MKRN2: variants seen among roughly 807,000 people sequenced by gnomAD.
MKRN2 encodes makorin ring finger protein 2.
Under a neutral mutation model 45.4 loss-of-function variants are expected in MKRN2, and 32 were observed. The ratio of observed to expected loss-of-function variants is 0.70; its 90% confidence interval spans 0.53 to 0.95. The LOEUF (loss-of-function observed/expected upper bound fraction) is 0.95. Ranked by LOEUF, MKRN2 falls within the 40% of genes least tolerant of loss-of-function variation. The pLI is 0.00. For missense variants in MKRN2, 526 were observed against 536.7 expected, an observed-to-expected ratio of 0.98 and a Z score of 0.20; for synonymous variants, 206 against 192.4, an observed-to-expected ratio of 1.07 and a Z score of -0.59.
At chr3:12,569,951 A>G in intron 2 of MKRN2, 120 bp from the exon 3 acceptor site, 1 of 939,202 alleles carries the variant, frequency 1.1e-6, no homozygotes, top group Non-Finnish European at 1.6e-6. Context: ...ATATTGGAAA[A>G]GATGGCCGCC....
In MKRN2 at chr3:12,557,134, C is replaced by T. The variant is rs776071765; in HGVS notation, c.-17C>T. 1.7e-4 allele frequency: 249 copies of T among 1,508,708 alleles called. No individual in the cohort carries two copies. The highest frequency in any genetic ancestry group is 2.0e-4 in the Non-Finnish European group (230 of 1,131,270). The allele number at this position is 1,508,708 out of a possible 1,614,324, so 93.5% of individuals were successfully genotyped here. ...CGAGAGGCGGCGGCACGACGACGGT[C>T]CCTCAGCCCAGCCACCATGAGCACC... On this transcript the variant is annotated 5_prime_UTR_variant, in exon 1 of 8. Coordinates refer to ENST00000170447, the MANE Select transcript of MKRN2 (RefSeq NM_014160.5).
chr3:12,559,577 A>G (rs2058018868), intron 1 of MKRN2, among the ~76,000 whole-genome samples: 1 of 152,204 alleles, frequency 6.6e-6, no homozygotes, highest in African/African-American at 2.4e-5. Flanking sequence ...ATGTATCTCC[A>G]AGAGTTGCTT....
intron 5 of MKRN2, 83 bp from the exon 6 acceptor site, chr3:12,576,548 G>A (rs2125306728): frequency 2.2e-6 from 2 of 892,572 alleles, no homozygotes; most frequent in East Asian, 2.6e-5. Flanking sequence ...TAGTGGTGAG[G>A]CAGTTGAGCA....
intron 1 of MKRN2, among the ~76,000 whole-genome samples, chr3:12,564,024 C>A (rs2058055861): frequency 6.6e-6 from 1 of 151,726 alleles, no homozygotes; most frequent in African/African-American, 2.4e-5. Flanking sequence ...TGGCTCACTG[C>A]AACCTCTCCC....
intron 1 of MKRN2, among the ~76,000 whole-genome samples, chr3:12,558,649 G>A (rs921728400): frequency 2.0e-5 from 3 of 152,200 alleles, no homozygotes; most frequent in Non-Finnish European, 4.4e-5. Flanking sequence ...TTACACCTTA[G>A]TAGAGGCACA....
At chr3:12,559,606 C>T (rs2454421) in intron 1 of MKRN2, among the ~76,000 whole-genome samples, 73,051 of 151,942 alleles carry the variant, frequency 0.48, 18,910 homozygotes, top group African/African-American at 0.67. Flanking sequence ...CTAGGAGTCT[C>T]AAACCTAATG....
intron 6 of MKRN2, chr3:12,576,977 T>C (rs2058144683): frequency 5.0e-6 from 1 of 199,524 alleles, no homozygotes; most frequent in Non-Finnish European, 9.4e-6. Flanking sequence ...AGGGTCTCAC[T>C]CTGTTGCCCA....
intron 3 of MKRN2, among the ~76,000 whole-genome samples, chr3:12,571,133 GT>G (rs552089106): frequency 8.0e-5 from 10 of 124,610 alleles, no homozygotes; most frequent in East Asian, 2.0e-4. Flanking sequence ...TTTTGTTTTT[GT>G]TTTTTTTTTG....
At chr3:12,582,071 T>A in intron 7 of MKRN2, 45 bp from the exon 8 acceptor site, 1 of 1,612,590 alleles carries the variant, frequency 6.2e-7, no homozygotes, top group Non-Finnish European at 8.5e-7. Context: ...AGCCTTCCTG[T>A]TGCTCTTAGC....
intron 4 of MKRN2, among the ~76,000 whole-genome samples, chr3:12,572,897 T>G (rs951500570): frequency 1.3e-5 from 2 of 152,174 alleles, no homozygotes; most frequent in Admixed American, 1.3e-4. Flanking sequence ...TTTTGCCAAT[T>G]TTTAATTACT....
intron 2 of MKRN2, 30 bp downstream of exon 2, chr3:12,569,033 G>A: frequency 6.3e-7 from 1 of 1,594,138 alleles, no homozygotes; most frequent in Non-Finnish European, 8.5e-7. Flanking sequence ...TTCCAGCTGT[G>A]ACACTGATTT....
chr3:12,557,190 A>T lies in MKRN2; in HGVS notation c.26+14A>T. On this transcript the variant is annotated intron_variant, in intron 1 of 7. Coordinates refer to ENST00000170447, the MANE Select transcript of MKRN2 (RefSeq NM_014160.5). ...GATCACTTGCAGGTCAGTGCGCTGG[A>T]GCCAGGAGCTTCGGGCCGCTCCCCC... The T allele has an allele frequency of 1.3e-6, 2 of 1,534,856 alleles. No individual in the cohort carries two copies. The highest frequency in any genetic ancestry group is 1.8e-6 in the Non-Finnish European group (2 of 1,142,650).
At position 12,576,731 on chromosome 3, in the gene MKRN2, CAG is replaced by C. The variant is rs751297306; in HGVS notation, c.959_960del (p.Gln320ArgfsTer8). On this transcript the variant is annotated frameshift_variant, in exon 6 of 8. Coordinates refer to ENST00000170447, the MANE Select transcript of MKRN2 (RefSeq NM_014160.5). LOFTEE classifies it high-confidence loss of function. ...GAACGAGTTGATTGAAGCTTTCAAA[CAG>C]GGGATGGGGTAAGTGCTTTTGAGTT... Reference protein sequence around the residue: ...KKNELIEAFKQGMGKKACKYF... With the variant: ...KKNELIEAFKXGMGKKACKYF... 12 of 1,598,668 alleles carry C rather than the reference CAG, an allele frequency of 7.5e-6. No homozygotes were observed. The highest frequency in any genetic ancestry group is 1.3e-5 in the African/African-American group (1 of 74,452).
chr3:12,572,605 T>TA (rs1553608394), intron 4 of MKRN2, among the ~76,000 whole-genome samples: 1,990 of 151,740 alleles, frequency 0.013, 50 homozygotes, highest in African/African-American at 0.045. Flanking sequence ...TTTTTTTTTT[T>TA]AATGGAGTCT....
chr3:12,563,903 G>A (rs1041585244), intron 1 of MKRN2, among the ~76,000 whole-genome samples: 3 of 135,480 alleles, frequency 2.2e-5, no homozygotes, highest in Non-Finnish European at 3.2e-5. Context: ...GAATAATGCT[G>A]GTATGAACAC....
At chr3:12,558,693 T>C (rs2058006759) in intron 1 of MKRN2, among the ~76,000 whole-genome samples, 1 of 152,232 alleles carries the variant, frequency 6.6e-6, no homozygotes, top group East Asian at 1.9e-4. Context: ...GGTTTTTTCC[T>C]TGTATACCTG....
Position 12,572,136 on chromosome 3 carries a change from C to A in MKRN2, c.405C>A (p.Asp135Glu). ...SMVSNPGSCS[D>E]PQPSPEMKPH... ...TGAGTAATCCAGGCAGCTGCAGCGA[C>A]CCCCAGCCCAGCCCCGAGATGAAGC... is the stretch of plus-strand genomic sequence containing the variant. Residue 135 changes from aspartate (D) to glutamate (E), a missense_variant, in exon 4 of 8, where the codon GAC becomes GAA. Coordinates refer to ENST00000170447, the MANE Select transcript of MKRN2 (RefSeq NM_014160.5). The A allele has an allele frequency of 6.2e-7, 1 of 1,614,004 alleles. No homozygotes were observed. The highest frequency in any genetic ancestry group is 8.5e-7 in the Non-Finnish European group (1 of 1,179,990).
rs2058089818 is a variant in MKRN2, at chr3:12,570,137, C to T, written c.222C>T (p.Pro74=). The change falls in exon 3 of 8, where the codon CCC becomes CCT. Residue 74 remains proline (P), a synonymous_variant. Transcript: ENST00000170447. ...GAVGTMAHSV[P]SPAFHSPHPP... ...TGGGCACCATGGCCCACAGTGTGCC[C>T]TCCCCAGCTTTCCACAGTCCTCACC... The T allele has an allele frequency of 6.2e-7, 1 of 1,614,086 alleles. No individual in the cohort carries two copies. The highest frequency in any genetic ancestry group is 8.5e-7 in the Non-Finnish European group (1 of 1,180,034).
intron 6 of MKRN2, among the ~76,000 whole-genome samples, chr3:12,578,133 T>C (rs1349760237): frequency 6.6e-6 from 1 of 152,274 alleles, no homozygotes; most frequent in East Asian, 1.9e-4. Flanking sequence ...TACACAGCCT[T>C]TGAGCACTTT....
Sources: gnomAD v4.1 joint callset for allele counts (sites outside exome capture counted in the v4.1 genomes callset) on GRCh38, gnomAD v4.1.1 for gene constraint, MANE v1.5 for transcripts, NCBI Gene and HGNC (gene_info 2026-07-23, HGNC 2026-07-21) for gene names.